Variants in XIRP2 observed in about 807,000 individuals in gnomAD.
XIRP2 encodes xin actin-binding repeat-containing protein 2.
In XIRP2, 236 loss-of-function variants were observed where a neutral mutation model predicts 277.0. That is an observed-to-expected ratio of 0.85 (90% confidence interval 0.77 to 0.95). The LOEUF (loss-of-function observed/expected upper bound fraction) is 0.95, where lower values mean the gene tolerates loss of function less well. XIRP2 is among the 40% of genes least tolerant of loss of function. The pLI, the probability that XIRP2 is intolerant of heterozygous loss-of-function variation, is 0.00. For missense variants in XIRP2, 4,640 were observed against 4,157.5 expected (o/e 1.12, Z -3.19); for synonymous variants, 1,490 against 1,416.5 (o/e 1.05, Z -1.17).
intron 2 of XIRP2, among the ~76,000 whole-genome samples, chr2:166,972,634 G>T (rs1163447379): frequency 1.3e-5 from 2 of 152,148 alleles, no homozygotes; most frequent in Non-Finnish European, 2.9e-5. Context: ...TAGTAAAATG[G>T]AGGCTCTGGT....
chr2:167,083,443 A>C (rs1435539008), intron 2 of XIRP2, among the ~76,000 whole-genome samples: 1 of 152,192 alleles, frequency 6.6e-6, no homozygotes, highest in African/African-American at 2.4e-5. Flanking sequence ...TTTCGGTTCC[A>C]TATGAACATT....
At chr2:167,086,989 A>G (rs889698043) in intron 2 of XIRP2, among the ~76,000 whole-genome samples, 1 of 152,030 alleles carries the variant, frequency 6.6e-6, no homozygotes, top group African/African-American at 2.4e-5. Context: ...CTGGTGAGGA[A>G]CTGCGTTCCT....
chr2:167,201,199 AAAGAAAG>A (rs1231935264), intron 3 of XIRP2, among the ~76,000 whole-genome samples: 3 of 29,734 alleles, frequency 1.0e-4, no homozygotes, highest in Admixed American at 8.7e-4. Context: ...AGAAAGAAAG[AAAGAAAG>A]AAAGAAAGAA....
intron 2 of XIRP2, among the ~76,000 whole-genome samples, chr2:167,124,989 C>G (rs1456487195): frequency 2.6e-5 from 4 of 152,164 alleles, no homozygotes; most frequent in Non-Finnish European, 5.9e-5. Flanking sequence ...TGAAAAGTCA[C>G]TGGGAAACCA....
intron 10 of XIRP2, among the ~76,000 whole-genome samples, chr2:167,256,840 C>T (rs926133782): frequency 1.3e-5 from 2 of 151,862 alleles, no homozygotes; most frequent in African/African-American, 2.4e-5. Flanking sequence ...CTTGGCTCCT[C>T]TTCTCCATAT....
chr2:167,258,257 C>A lies in XIRP2; in HGVS notation c.*440C>A. The A allele has an allele frequency of 1.9e-6, 3 of 1,613,304 alleles. No individual in the cohort carries two copies. Among genetic ancestry groups the A allele is most frequent in the Non-Finnish European group, 2.5e-6 (3 of 1,179,636 alleles). ...GTGGCCACCTGAAATGACAACCCTG[C>A]TATCCCCTGAATTTAAAAGTGAATC... On this transcript the variant is annotated 3_prime_UTR_variant, in exon 11 of 11. Coordinates refer to ENST00000409195, the MANE Select transcript of XIRP2 (RefSeq NM_152381.6).
intron 3 of XIRP2, among the ~76,000 whole-genome samples, chr2:167,197,236 A>T (rs1322826788): frequency 6.6e-6 from 1 of 152,148 alleles, no homozygotes; most frequent in Non-Finnish European, 1.5e-5. Flanking sequence ...CTTTCACATA[A>T]CTTCTCAATG....
intron 2 of XIRP2, among the ~76,000 whole-genome samples, chr2:166,943,223 T>A (rs1685767290): frequency 6.6e-6 from 1 of 152,174 alleles, no homozygotes; most frequent in African/African-American, 2.4e-5. Context: ...TAGAAATATT[T>A]GTACCTTTTT....
At chr2:166,998,553 C>T (rs1435024428) in intron 2 of XIRP2, among the ~76,000 whole-genome samples, 3 of 152,042 alleles carry the variant, frequency 2.0e-5, no homozygotes, top group South Asian at 2.1e-4. Context: ...AGGAGAATGG[C>T]GTGAACCCAG....
At chr2:167,166,816 C>A (rs1466588541) in intron 3 of XIRP2, among the ~76,000 whole-genome samples, 1 of 152,286 alleles carries the variant, frequency 6.6e-6, no homozygotes, top group East Asian at 1.9e-4. Context: ...CTGGGGATTA[C>A]ATCTCAACAT....
chr2:166,898,555 C>T (rs138261828), intron 1 of XIRP2, among the ~76,000 whole-genome samples: 1 of 152,084 alleles, frequency 6.6e-6, no homozygotes, highest in South Asian at 2.1e-4. Context: ...ACAGAGAGAT[C>T]TTTTGTATGA....
Position 167,257,846 on chromosome 2 carries a change from C to A in XIRP2, c.*40-11C>A. On this transcript the variant is annotated splice_polypyrimidine_tract_variant and intron_variant, in intron 10 of 10. Transcript: ENST00000409195. ...ATACGAACTGCTAAGTGTTCTTTTT[C>A]TTTTTGGCAGTTTGGGAAATTATGC... The A allele has an allele frequency of 6.3e-7, 1 of 1,577,262 alleles. No individual in the cohort carries two copies. Among genetic ancestry groups the A allele is most frequent in the South Asian group, 1.2e-5 (1 of 84,086 alleles).
At chr2:167,214,226 GAGGAAGGA>G (rs1295438859) in intron 4 of XIRP2, among the ~76,000 whole-genome samples, 9 of 67,332 alleles carry the variant, frequency 1.3e-4, no homozygotes, top group East Asian at 5.4e-4. Context: ...GGGAGGGAGG[GAGGAAGGA>G]AGGAAGGAAG....
intron 2 of XIRP2, among the ~76,000 whole-genome samples, chr2:166,979,369 CTTTTT>C (rs66909002): frequency 3.7e-5 from 4 of 108,516 alleles, no homozygotes; most frequent in East Asian, 5.4e-4. Context: ...CTTTTCTTTT[CTTTTT>C]TTTTTTTTTT....
intron 2 of XIRP2, among the ~76,000 whole-genome samples, chr2:167,082,684 C>G (rs953974650): frequency 1.3e-5 from 2 of 152,204 alleles, no homozygotes; most frequent in African/African-American, 2.4e-5. Context: ...ATTTGCATTT[C>G]TCTGATGGCC....
chr2:167,171,003 G>A (rs1174333144), intron 3 of XIRP2, among the ~76,000 whole-genome samples: 1 of 147,888 alleles, frequency 6.8e-6, no homozygotes, highest in Non-Finnish European at 1.5e-5. Flanking sequence ...GGGTTCAAGT[G>A]ATTCTCCTGC....
chr2:167,155,278 G>C (rs1209550573), intron 3 of XIRP2, among the ~76,000 whole-genome samples: 8 of 151,960 alleles, frequency 5.3e-5, no homozygotes, highest in East Asian at 3.9e-4. Context: ...CCAAAGCTGG[G>C]CAGAGACACA....
At chr2:167,121,239 G>A (rs1167057579) in intron 2 of XIRP2, among the ~76,000 whole-genome samples, 1 of 152,102 alleles carries the variant, frequency 6.6e-6, no homozygotes, top group Non-Finnish European at 1.5e-5. Context: ...TTCCATCTAA[G>A]CATTATTAAA....
chr2:167,246,514 G>A lies in XIRP2; in HGVS notation c.5122G>A (p.Val1708Ile). The change falls in exon 9 of 11, where the codon GTA becomes ATA. Residue 1708 changes from valine to isoleucine, a missense_variant. By Grantham distance (29) the Val-to-Ile change is conservative. Coordinates refer to ENST00000409195, the MANE Select transcript of XIRP2 (RefSeq NM_152381.6). Reference protein sequence around the residue: ...NDGDTIEREEVIGGDVKRTIH... With the variant: ...NDGDTIEREEIIGGDVKRTIH... ...TGGTGACACAATTGAGCGTGAAGAA[G>A]TAATAGGTGGTGATGTCAAACGTAC... The A allele has an allele frequency of 4.3e-6, 7 of 1,613,672 alleles. No individual in the cohort carries two copies. Among genetic ancestry groups the A allele is most frequent in the Non-Finnish European group, 5.9e-6 (7 of 1,179,784 alleles).
Sources: gnomAD v4.1 joint callset for allele counts (sites outside exome capture counted in the v4.1 genomes callset) on GRCh38, gnomAD v4.1.1 for gene constraint, MANE v1.5 for transcripts, NCBI Gene and HGNC (gene_info 2026-07-23, HGNC 2026-07-21) for gene names.